The following GPM6A variants were observed in gnomAD, a reference collection of about 807,000 sequenced individuals.
The protein encoded by GPM6A is neuronal membrane glycoprotein M6-a.
GPM6A carries 7 observed loss-of-function variants against 32.1 expected under a neutral mutation model. That is an observed-to-expected ratio of 0.22 (90% CI 0.12 to 0.41). The LOEUF (loss-of-function observed/expected upper bound fraction) is 0.41, where lower values mean the gene tolerates loss of function less well. Among genes scored for constraint, GPM6A ranks in the 10% least tolerant of loss-of-function variants. The probability of loss-of-function intolerance (pLI) is 1.00; values close to 1 mark genes in which losing one functional copy is unlikely to be tolerated. For missense variants in GPM6A, 235 were observed against 347.2 expected (o/e 0.68, Z 2.57); for synonymous variants, 130 against 123.4 (o/e 1.05, Z -0.35).
chr4:175,658,226 A>C (rs1742196257), intron 3 of GPM6A, among the ~76,000 whole-genome samples: 1 of 152,126 alleles, frequency 6.6e-6, no homozygotes, highest in Non-Finnish European at 1.5e-5. Context: ...ACGATGGTAT[A>C]TTAATCAGCA....
chr4:175,783,235 A>G (rs1020604071), intron 1 of GPM6A, among the ~76,000 whole-genome samples: 3 of 152,146 alleles, frequency 2.0e-5, no homozygotes, highest in South Asian at 2.1e-4. Flanking sequence ...TTTCATCTAC[A>G]TAAGAAACTT....
chr4:175,965,794 A>G, intron 1 of GPM6A, among the ~76,000 whole-genome samples: 1 of 151,912 alleles, frequency 6.6e-6, no homozygotes, highest in East Asian at 1.9e-4. Flanking sequence ...TTGTATTGTT[A>G]GTAGAGACGG....
chr4:175,659,010 A>G (rs1344067295), intron 3 of GPM6A, among the ~76,000 whole-genome samples: 2 of 152,152 alleles, frequency 1.3e-5, no homozygotes, highest in African/African-American at 4.8e-5. Flanking sequence ...AGGGCTGAAA[A>G]TATGTTACCT....
At chr4:175,714,090 T>G (rs182179115) in intron 1 of GPM6A, among the ~76,000 whole-genome samples, 51 of 152,286 alleles carry the variant, frequency 3.3e-4, no homozygotes, top group Admixed American at 2.1e-3. Context: ...AAAAATAGAT[T>G]TTTAGATGTC....
At chr4:175,846,600 C>T (rs1415232459) in intron 1 of GPM6A, among the ~76,000 whole-genome samples, 2 of 152,084 alleles carry the variant, frequency 1.3e-5, no homozygotes, top group African/African-American at 4.8e-5. Flanking sequence ...AATTTGGTTA[C>T]ATCTGTATAA....
At chr4:175,897,474 G>C (rs1737832374) in intron 1 of GPM6A, among the ~76,000 whole-genome samples, 1 of 152,092 alleles carries the variant, frequency 6.6e-6, no homozygotes, top group African/African-American at 2.4e-5. Context: ...GGAGAGGTGA[G>C]GAATGGACCT....
chr4:175,832,539 G>T (rs570529328), intron 1 of GPM6A, among the ~76,000 whole-genome samples: 13 of 152,038 alleles, frequency 8.6e-5, no homozygotes, highest in Admixed American at 3.3e-4. Context: ...CTACCCACAG[G>T]AGCTTAAAGT....
chr4:175,746,922 A>G (rs1257651223), intron 1 of GPM6A, among the ~76,000 whole-genome samples: 1 of 152,178 alleles, frequency 6.6e-6, no homozygotes, highest in Non-Finnish European at 1.5e-5. Context: ...ACCCATTAAG[A>G]AGATAGTCTA....
At chr4:175,666,037 G>A (rs1742732428) in intron 3 of GPM6A, among the ~76,000 whole-genome samples, 1 of 150,910 alleles carries the variant, frequency 6.6e-6, no homozygotes, top group South Asian at 2.1e-4. Flanking sequence ...TCCTGCCTTA[G>A]CTTCCCGAGT....
chr4:175,664,784 G>C (rs1458424412), intron 3 of GPM6A, among the ~76,000 whole-genome samples: 1 of 152,104 alleles, frequency 6.6e-6, no homozygotes. Context: ...TTTGTTAATA[G>C]AGTTATACAT....
intron 1 of GPM6A, among the ~76,000 whole-genome samples, chr4:175,765,422 T>A (rs954027239): frequency 6.6e-6 from 1 of 152,194 alleles, no homozygotes; most frequent in African/African-American, 2.4e-5. Flanking sequence ...TTGTATGTAT[T>A]TTGTGAGTAC....
chr4:175,953,675 G>A (rs1739892313), intron 1 of GPM6A, among the ~76,000 whole-genome samples: 1 of 152,148 alleles, frequency 6.6e-6, no homozygotes, highest in African/African-American at 2.4e-5. Flanking sequence ...GCCGAGGTGG[G>A]CGGATCACCT....
chr4:175,644,869 G>A (rs1741365472), intron 4 of GPM6A, among the ~76,000 whole-genome samples: 1 of 152,118 alleles, frequency 6.6e-6, no homozygotes, highest in Non-Finnish European at 1.5e-5. Flanking sequence ...CACTTTAGGA[G>A]GATGAGGCAG....
chr4:175,888,313 C>T (rs939672974), intron 1 of GPM6A, among the ~76,000 whole-genome samples: 3 of 151,880 alleles, frequency 2.0e-5, no homozygotes, highest in African/African-American at 4.8e-5. Context: ...TAAAATTGTC[C>T]TAATCTCTTA....
chr4:175,935,267 G>A lies in GPM6A; in HGVS notation c.-23+67042C>T, dbSNP rs116102125. ...TTCACCTTCCCACCTCTCTACCTCT[G>A]AACTCTTAGGTGGCAGGTCCCTTAG... On this transcript the variant is annotated intron_variant, in intron 1 of 7. Coordinates refer to the GPM6A transcript ENST00000280187. Among the ~76,000 whole-genome samples the A allele has an allele frequency of 7.6e-3, 1,164 of 152,210 alleles. 18 individuals are homozygous for A. Among genetic ancestry groups the A allele is most frequent in the African/African-American group, 0.026 (1,098 of 41,534 alleles).
intron 1 of GPM6A, among the ~76,000 whole-genome samples, chr4:175,892,297 A>C (rs1470954234): frequency 6.6e-6 from 1 of 152,180 alleles, no homozygotes; most frequent in Non-Finnish European, 1.5e-5. Context: ...TAAAAAATAC[A>C]TCTAGAAAAA....
At chr4:175,920,614 G>A (rs1161689323) in intron 1 of GPM6A, among the ~76,000 whole-genome samples, 2 of 152,060 alleles carry the variant, frequency 1.3e-5, no homozygotes, top group Non-Finnish European at 2.9e-5. Flanking sequence ...TTGGGAGGCC[G>A]AGGCAGGTGG....
At chr4:175,640,671 G>T in intron 5 of GPM6A, 82 bp downstream of exon 5, 1 of 929,820 alleles carries the variant, frequency 1.1e-6, no homozygotes, top group Non-Finnish European at 1.7e-6. Context: ...AGTCAATATA[G>T]ATTTAGTTTT....
intron 6 of GPM6A, among the ~76,000 whole-genome samples, chr4:175,635,904 C>T (rs1019837899): frequency 6.6e-6 from 1 of 151,838 alleles, no homozygotes; most frequent in Non-Finnish European, 1.5e-5. Flanking sequence ...ATATTTTAAT[C>T]CAACATTCAG....
Sources: allele counts gnomAD v4.1 joint callset (sites outside exome capture counted in the v4.1 genomes callset), GRCh38; gene constraint gnomAD v4.1.1; transcripts MANE v1.5; gene names NCBI Gene and HGNC (gene_info 2026-07-23, HGNC 2026-07-21).